The following NHSL3 variants were observed in gnomAD, a reference collection of about 807,000 sequenced individuals.
The protein encoded by NHSL3 is NHS-like protein 3.
chr1:32,760,266 C>T, the NHSL3 span, among the ~76,000 whole-genome samples: 5 of 152,210 alleles, frequency 3.3e-5, no homozygotes, highest in Admixed American at 1.3e-4. Flanking sequence ...TCATTCCTCT[C>T]CCCTGAGTCA....
At chr1:32,750,040 T>C in the NHSL3 span, among the ~76,000 whole-genome samples, 13 of 152,078 alleles carry the variant, frequency 8.5e-5, no homozygotes, top group Admixed American at 6.5e-4. Context: ...AGAAAACGAA[T>C]AAGAGGAAGC....
the NHSL3 span, among the ~76,000 whole-genome samples, chr1:32,752,060 G>A: frequency 6.6e-6 from 1 of 152,134 alleles, no homozygotes; most frequent in Admixed American, 6.5e-5. Context: ...TATAAATTCA[G>A]GGAATTGGCT....
the NHSL3 span, among the ~76,000 whole-genome samples, chr1:32,746,202 G>C: frequency 2.8e-5 from 4 of 144,528 alleles, no homozygotes; most frequent in Non-Finnish European, 6.0e-5. Flanking sequence ...CTGCACTCTA[G>C]CCTGGGCGAC....
At chr1:32,747,312 C>G in the NHSL3 span, among the ~76,000 whole-genome samples, 1 of 151,760 alleles carries the variant, frequency 6.6e-6, no homozygotes, top group Non-Finnish European at 1.5e-5. Context: ...CAGCCTGGGA[C>G]TACAGGTGAG....
chr1:32,770,229 C>T, the NHSL3 span: 14 of 1,604,518 alleles, frequency 8.7e-6, no homozygotes, highest in South Asian at 1.6e-4. This position sits in a 1 kb window ranked among gnomAD's most constrained non-coding sequence, Gnocchi z 8.3. Context: ...AGGCCACCTA[C>T]CTGTCGAAGT....
At chr1:32,764,147 C>T in the NHSL3 span, among the ~76,000 whole-genome samples, 2 of 152,150 alleles carry the variant, frequency 1.3e-5, no homozygotes, top group Non-Finnish European at 2.9e-5. Flanking sequence ...AGGTGTGAAC[C>T]ACCATGCCCA....
the NHSL3 span, among the ~76,000 whole-genome samples, chr1:32,755,989 A>G: frequency 1.3e-5 from 2 of 152,322 alleles, no homozygotes; most frequent in East Asian, 3.9e-4. Context: ...GAGAGAGAAG[A>G]TAAGAAGGCT....
chr1:32,765,929 GTGGGGC>G, the NHSL3 span: 1 of 1,133,872 alleles, frequency 8.8e-7, no homozygotes, highest in Non-Finnish European at 1.3e-6. Context: ...AAGTAATGGG[GTGGGGC>G]TGGGGGCTGA....
chr1:32,751,311 C>T, the NHSL3 span, among the ~76,000 whole-genome samples: 4 of 152,168 alleles, frequency 2.6e-5, no homozygotes, highest in Non-Finnish European at 4.4e-5. Context: ...AGTATTTATG[C>T]GCTATCATCA....
the NHSL3 span, among the ~76,000 whole-genome samples, chr1:32,759,094 C>T: frequency 6.6e-6 from 1 of 152,298 alleles, no homozygotes; most frequent in South Asian, 2.1e-4. Flanking sequence ...GAGTTGGGCT[C>T]ACATCCTGCC....
At chr1:32,764,326 T>G in the NHSL3 span, among the ~76,000 whole-genome samples, 1 of 151,194 alleles carries the variant, frequency 6.6e-6, no homozygotes, top group Non-Finnish European at 1.5e-5. Flanking sequence ...TGAACTCAAC[T>G]CATAACATGT....
At chr1:32,747,315 C>T in the NHSL3 span, among the ~76,000 whole-genome samples, 50 of 152,036 alleles carry the variant, frequency 3.3e-4, no homozygotes, top group African/African-American at 1.2e-3. Flanking sequence ...CCTGGGACTA[C>T]AGGTGAGTGC....
chr1:32,768,836 T>G, the NHSL3 span: 8 of 1,578,430 alleles, frequency 5.1e-6, no homozygotes, highest in Non-Finnish European at 6.9e-6. Flanking sequence ...ATCTGTAGCT[T>G]CTTTTCCTCC....
At chr1:32,764,692 C>T in the NHSL3 span, among the ~76,000 whole-genome samples, 16 of 152,224 alleles carry the variant, frequency 1.1e-4, no homozygotes, top group African/African-American at 2.9e-4. Context: ...AGGCTGATCT[C>T]GAATTCCTGA....
At chr1:32,754,120 C>G in the NHSL3 span, 1 of 711,766 alleles carries the variant, frequency 1.4e-6, no homozygotes, top group South Asian at 1.5e-5. Flanking sequence ...GAGGAAGGCC[C>G]CCAGCGGTCC....
the NHSL3 span, among the ~76,000 whole-genome samples, chr1:32,749,621 T>C: frequency 1.3e-5 from 2 of 152,162 alleles, no homozygotes; most frequent in Non-Finnish European, 2.9e-5. Flanking sequence ...CACTCCTTTC[T>C]TCAGACTTCA....
chr1:32,761,219 A>C, the NHSL3 span, among the ~76,000 whole-genome samples: 1 of 151,278 alleles, frequency 6.6e-6, no homozygotes, highest in Non-Finnish European at 1.5e-5. Context: ...AGGTCTTTCC[A>C]CTCTCTGGAC....
chr1:32,754,153 T>C, the NHSL3 span: 1 of 711,108 alleles, frequency 1.4e-6, no homozygotes, highest in Admixed American at 2.0e-5. Flanking sequence ...CTTCTGGCGG[T>C]TCGGGCGGTC....
chr1:32,771,241 G>A, the NHSL3 span: 1 of 1,611,648 alleles, frequency 6.2e-7, no homozygotes, highest in South Asian at 1.1e-5. Flanking sequence ...CCCTGCTCTA[G>A]CCGCCCCTGC....
Sources: gnomAD v4.1 joint callset for allele counts (sites outside exome capture counted in the v4.1 genomes callset) on GRCh38, gnomAD v4.1.1 for gene constraint, Gnocchi (gnomAD v3.1) non-coding constraint, MANE v1.5 for transcripts, NCBI Gene and HGNC (gene_info 2026-07-23, HGNC 2026-07-21) for gene names.